PRKG1: variants seen among roughly 807,000 people sequenced by gnomAD.
PRKG1 encodes cGMP-dependent protein kinase 1.
In PRKG1, 35 loss-of-function variants were observed where a neutral mutation model predicts 88.1. That is an observed-to-expected ratio of 0.40 (90% confidence interval 0.30 to 0.53). PRKG1 has a LOEUF of 0.53. Ranked by LOEUF, PRKG1 falls within the 20% of genes least tolerant of loss-of-function variation. The probability of loss-of-function intolerance (pLI) is 0.59; values close to 1 mark genes in which losing one functional copy is unlikely to be tolerated. For missense variants in PRKG1, 540 were observed against 839.8 expected (o/e 0.64, Z 4.41); for synonymous variants, 303 against 292.5 (o/e 1.04, Z -0.37).
chr10:51,205,127 CTTTTTTTTTTTTTTTTT>C (rs58176913), intron 2 of PRKG1, among the ~76,000 whole-genome samples: 5 of 64,030 alleles, frequency 7.8e-5, no homozygotes, highest in Non-Finnish European at 1.5e-4. Context: ...ATTTTCTTTT[CTTTTTTTTTTTTTTTTT>C]TTTTTTTTTT....
chr10:51,936,984 G>C (rs1358210389), intron 5 of PRKG1, among the ~76,000 whole-genome samples: 1 of 151,980 alleles, frequency 6.6e-6, no homozygotes, highest in Non-Finnish European at 1.5e-5. Context: ...AGATTTATGA[G>C]AAGATTTTCA....
chr10:51,550,748 CTG>C (rs1164656568), intron 3 of PRKG1, among the ~76,000 whole-genome samples: 1 of 151,906 alleles, frequency 6.6e-6, no homozygotes, highest in Non-Finnish European at 1.5e-5. Context: ...GCATAGGAAT[CTG>C]TGTAAGTACT....
intron 2 of PRKG1, among the ~76,000 whole-genome samples, chr10:51,232,527 T>C (rs2132111127): frequency 6.8e-6 from 1 of 147,682 alleles, no homozygotes; most frequent in Middle Eastern, 3.4e-3. Context: ...ACAATAAACA[T>C]TTTACACCCC....
At chr10:52,262,891 T>G (rs573176430) in intron 10 of PRKG1, among the ~76,000 whole-genome samples, 1 of 152,230 alleles carries the variant, frequency 6.6e-6, no homozygotes, top group South Asian at 2.1e-4. Flanking sequence ...CTGTATTGTT[T>G]AGGGAATAAT....
chr10:51,928,628 G>T (rs778065561), intron 5 of PRKG1, among the ~76,000 whole-genome samples: 51 of 152,250 alleles, frequency 3.3e-4, no homozygotes, highest in Non-Finnish European at 6.5e-4. Flanking sequence ...GATTTTAAGG[G>T]TTATCGGATA....
At chr10:52,218,712 T>C (rs776159120) in intron 9 of PRKG1, among the ~76,000 whole-genome samples, 70 of 152,146 alleles carry the variant, frequency 4.6e-4, no homozygotes, top group Non-Finnish European at 8.2e-4. Context: ...AAATTAAAAA[T>C]TTATAGGGAT....
chr10:51,510,162 C>T (rs532579847), intron 3 of PRKG1, among the ~76,000 whole-genome samples: 1 of 152,248 alleles, frequency 6.6e-6, no homozygotes, highest in African/African-American at 2.4e-5. Context: ...GACCTTTCCT[C>T]ATTCTATTTT....
rs1353692237 is a variant in PRKG1 at position 51,702,002 on chromosome 10, T to C, written c.593-102583T>C. 7.9e-5 allele frequency among the ~76,000 whole-genome samples: 12 copies of C among 152,184 alleles called. No individual in the cohort carries two copies. The East Asian group carries it at 2.1e-3, about 27-fold the overall frequency. On this transcript the variant is annotated intron_variant, in intron 3 of 17. Transcript: ENST00000373980. The stretch of plus-strand genomic sequence containing the variant: ...AATCATTGGTCCTAGGGATTGGTAG[T>C]AGATTTTCTCATTTACATCAGACCA...
chr10:51,536,509 C>A (rs1011493616), intron 3 of PRKG1, among the ~76,000 whole-genome samples: 2 of 152,074 alleles, frequency 1.3e-5, no homozygotes, highest in African/African-American at 4.8e-5. Flanking sequence ...TTGATAGTTT[C>A]TTTTGCTGTG....
intron 4 of PRKG1, among the ~76,000 whole-genome samples, chr10:51,834,095 T>C (rs1840068423): frequency 1.3e-5 from 2 of 152,100 alleles, no homozygotes; most frequent in Non-Finnish European, 1.5e-5. Flanking sequence ...TAGTATTCCA[T>C]TGTGTATACA....
At chr10:51,285,792 G>A (rs1840424493) in intron 2 of PRKG1, among the ~76,000 whole-genome samples, 1 of 152,136 alleles carries the variant, frequency 6.6e-6, no homozygotes, top group South Asian at 2.1e-4. Context: ...ATGCACAGAG[G>A]TGAAGAGTTC....
intron 4 of PRKG1, among the ~76,000 whole-genome samples, chr10:51,877,553 T>G (rs1322957315): frequency 6.6e-6 from 1 of 152,208 alleles, no homozygotes; most frequent in Non-Finnish European, 1.5e-5. Flanking sequence ...TGCTTCCAAG[T>G]AAAATATGCA....
rs1354671317 is a variant in PRKG1, at chr10:51,408,289, C to T, written c.479-59434C>T. Reference sequence around the variant, plus strand: ...AGGCCATTCCACCATTCTATCAATCCAGCTCCTTCAGGATGATGGGGAACA... The same window carrying T: ...AGGCCATTCCACCATTCTATCAATCTAGCTCCTTCAGGATGATGGGGAACA... On this transcript the variant is annotated intron_variant, in intron 2 of 17. Coordinates refer to ENST00000373980, the MANE Select transcript of PRKG1 (RefSeq NM_006258.4). Among the ~76,000 whole-genome samples the T allele has an allele frequency of 2.0e-5, 3 of 152,198 alleles. No individual in the cohort carries two copies. In the East Asian group the frequency reaches 5.8e-4, roughly 29 times the overall value.
intron 3 of PRKG1, among the ~76,000 whole-genome samples, chr10:51,723,617 CA>C (rs767394862): frequency 1.5e-5 from 2 of 134,654 alleles, no homozygotes; most frequent in East Asian, 2.0e-4. Context: ...TAAAGCATGA[CA>C]AAAAAAAAGA....
chr10:51,950,153 A>T (rs1843149548), intron 5 of PRKG1, among the ~76,000 whole-genome samples: 1 of 152,190 alleles, frequency 6.6e-6, no homozygotes, highest in African/African-American at 2.4e-5. Context: ...TAGGCTTTCA[A>T]ATGTCACAAT....
chr10:52,223,720 A>C (rs1408024417), intron 9 of PRKG1, among the ~76,000 whole-genome samples: 1 of 152,150 alleles, frequency 6.6e-6, no homozygotes, highest in African/African-American at 2.4e-5. Context: ...CTAAAATATC[A>C]AAACTGAACT....
At chr10:52,040,331 G>A (rs998363835) in intron 5 of PRKG1, among the ~76,000 whole-genome samples, 2 of 152,180 alleles carry the variant, frequency 1.3e-5, no homozygotes, top group Non-Finnish European at 2.9e-5. Context: ...ACACTAAATT[G>A]TGTGATTCCC....
At chr10:51,655,287 C>G (rs1346022162) in intron 3 of PRKG1, among the ~76,000 whole-genome samples, 1 of 152,006 alleles carries the variant, frequency 6.6e-6, no homozygotes, top group Non-Finnish European at 1.5e-5. Flanking sequence ...TAAAAATATA[C>G]TGGTTATACA....
At chr10:51,376,280 C>T (rs757059201) in intron 2 of PRKG1, among the ~76,000 whole-genome samples, 17 of 152,116 alleles carry the variant, frequency 1.1e-4, no homozygotes, top group Non-Finnish European at 1.9e-4. Flanking sequence ...TTCCTTCTAG[C>T]TTACATTTTT....
Sources: allele counts gnomAD v4.1 joint callset (sites outside exome capture counted in the v4.1 genomes callset), GRCh38; gene constraint gnomAD v4.1.1; transcripts MANE v1.5; gene names NCBI Gene and HGNC (gene_info 2026-07-23, HGNC 2026-07-21).